The following CTNNA3 variants were observed in gnomAD, a reference collection of about 807,000 sequenced individuals.
CTNNA3 encodes catenin alpha-3.
Under a neutral mutation model 95.7 loss-of-function variants are expected in CTNNA3, and 76 were observed. The observed-to-expected ratio is 0.79, with a 90% CI of 0.66 to 0.96. CTNNA3 has a LOEUF of 0.96. Ranked by LOEUF, CTNNA3 falls within the 40% of genes least tolerant of loss-of-function variation. CTNNA3 has a pLI of 0.00. For synonymous variants in CTNNA3, 431 were observed against 374.4 expected (o/e 1.15, Z -1.74); for missense variants, 1,191 against 1,089.8 (o/e 1.09, Z -1.31).
intron 5 of CTNNA3, among the ~76,000 whole-genome samples, chr10:67,234,103 A>T (rs1005014577): frequency 2.0e-5 from 3 of 152,204 alleles, no homozygotes; most frequent in African/African-American, 7.2e-5. Flanking sequence ...AACTGGTACC[A>T]TTCCTTCTGA....
At chr10:66,460,849 CT>C (rs555476308) in intron 11 of CTNNA3, among the ~76,000 whole-genome samples, 3 of 151,980 alleles carry the variant, frequency 2.0e-5, no homozygotes, top group Non-Finnish European at 4.4e-5. Flanking sequence ...ACTCACAAAT[CT>C]TTTTTTTCTC....
chr10:67,260,663 C>A (rs1024632911), intron 5 of CTNNA3, among the ~76,000 whole-genome samples: 4 of 149,258 alleles, frequency 2.7e-5, no homozygotes, highest in African/African-American at 1.0e-4. Flanking sequence ...GTGACTTTCA[C>A]TGTTTTGTTT....
chr10:66,102,718 G>A (rs953257397), intron 14 of CTNNA3, among the ~76,000 whole-genome samples: 10 of 151,906 alleles, frequency 6.6e-5, no homozygotes, highest in Admixed American at 4.6e-4. Context: ...TGGTGGTGGT[G>A]GGGTGTGTGT....
chr10:66,723,920 T>G (rs958426897), intron 9 of CTNNA3, among the ~76,000 whole-genome samples: 3 of 152,144 alleles, frequency 2.0e-5, no homozygotes, highest in Non-Finnish European at 4.4e-5. Flanking sequence ...AAATCAGACT[T>G]GAAAATTTAA....
At chr10:67,421,515 G>A (rs889183862) in intron 5 of CTNNA3, among the ~76,000 whole-genome samples, 10 of 152,142 alleles carry the variant, frequency 6.6e-5, no homozygotes, top group Non-Finnish European at 1.2e-4. Flanking sequence ...ACCCACAAGG[G>A]CACCTTTCCC....
At chr10:66,727,715 ATGT>A (rs1405713153) in intron 9 of CTNNA3, among the ~76,000 whole-genome samples, 2 of 152,286 alleles carry the variant, frequency 1.3e-5, no homozygotes, top group South Asian at 2.1e-4. Context: ...GCTTTAACTA[ATGT>A]TGTGAACTCA....
intron 3 of CTNNA3, among the ~76,000 whole-genome samples, chr10:67,564,372 T>A (rs1841666186): frequency 6.7e-6 from 1 of 148,630 alleles, no homozygotes; most frequent in Admixed American, 6.8e-5. Flanking sequence ...TAACCACCAT[T>A]CTGAGCAAAC....
At chr10:67,582,990 T>G (rs1381771604) in intron 3 of CTNNA3, among the ~76,000 whole-genome samples, 1 of 152,110 alleles carries the variant, frequency 6.6e-6, no homozygotes, top group Admixed American at 6.5e-5. Flanking sequence ...TACAGCACAC[T>G]GATGGGTCTT....
chr10:67,355,130 T>C (rs1196680123), intron 5 of CTNNA3, among the ~76,000 whole-genome samples: 1 of 152,068 alleles, frequency 6.6e-6, no homozygotes, highest in Non-Finnish European at 1.5e-5. Context: ...AAGTGGGGTA[T>C]GTCATTGTGA....
chr10:66,164,134 G>C (rs1045233661), intron 13 of CTNNA3, among the ~76,000 whole-genome samples: 3 of 152,046 alleles, frequency 2.0e-5, no homozygotes, highest in Admixed American at 6.6e-5. Context: ...ATTATTGTAG[G>C]GGCAGGGAAG....
chr10:66,813,502 T>C (rs1589283808), intron 7 of CTNNA3, among the ~76,000 whole-genome samples: 1 of 152,186 alleles, frequency 6.6e-6, no homozygotes, highest in East Asian at 1.9e-4. Context: ...CTCAATGAAT[T>C]ATTCCATTCA....
At chr10:67,122,911 A>G (rs1047707930) in intron 7 of CTNNA3, among the ~76,000 whole-genome samples, 14 of 152,168 alleles carry the variant, frequency 9.2e-5, no homozygotes, top group African/African-American at 3.4e-4. Context: ...AGCCACATTA[A>G]TAAAAATAAG....
At chr10:67,106,031 G>A (rs1449678240) in intron 7 of CTNNA3, among the ~76,000 whole-genome samples, 10 of 152,134 alleles carry the variant, frequency 6.6e-5, no homozygotes, top group South Asian at 2.1e-4. Flanking sequence ...GCTTTGACAC[G>A]CAGCTATTTA....
intron 7 of CTNNA3, among the ~76,000 whole-genome samples, chr10:67,106,582 A>T (rs1055567722): frequency 6.6e-6 from 1 of 152,178 alleles, no homozygotes; most frequent in Non-Finnish European, 1.5e-5. Flanking sequence ...TAATAATCCT[A>T]TGAAGTAGAT....
At chr10:67,291,184 A>G (rs1361204358) in intron 5 of CTNNA3, among the ~76,000 whole-genome samples, 2 of 152,168 alleles carry the variant, frequency 1.3e-5, no homozygotes, top group African/African-American at 4.8e-5. Context: ...TAAGGAGAAA[A>G]TGAAATAACA....
intron 5 of CTNNA3, among the ~76,000 whole-genome samples, chr10:67,414,860 A>G (rs1315881387): frequency 2.0e-5 from 3 of 152,190 alleles, no homozygotes; most frequent in Non-Finnish European, 4.4e-5. Flanking sequence ...TTTGTTGCAC[A>G]TGTTGCAAAT....
chr10:67,383,200 T>C (rs376101139), intron 5 of CTNNA3, among the ~76,000 whole-genome samples: 11 of 152,346 alleles, frequency 7.2e-5, no homozygotes, highest in African/African-American at 2.6e-4. Context: ...ATTGTTAATG[T>C]ACTAGGTGAT....
At chr10:66,313,161 T>C (rs752980442) in intron 12 of CTNNA3, among the ~76,000 whole-genome samples, 2 of 152,200 alleles carry the variant, frequency 1.3e-5, no homozygotes, top group Non-Finnish European at 2.9e-5. Flanking sequence ...CGTAAAACTC[T>C]GCATGGCATA....
At chr10:66,648,363 G>A (rs1278433687) in intron 9 of CTNNA3, among the ~76,000 whole-genome samples, 1 of 151,938 alleles carries the variant, frequency 6.6e-6, no homozygotes, top group Non-Finnish European at 1.5e-5. Context: ...TTTTTAAGAG[G>A]ATTAAACAAA....
Sources: gnomAD v4.1 joint callset for allele counts (sites outside exome capture counted in the v4.1 genomes callset) on GRCh38, gnomAD v4.1.1 for gene constraint, MANE v1.5 for transcripts, NCBI Gene and HGNC (gene_info 2026-07-23, HGNC 2026-07-21) for gene names.